GALNTL6: variants seen among roughly 807,000 people sequenced by gnomAD.
GALNTL6 encodes polypeptide N-acetylgalactosaminyltransferase-like 6.
In GALNTL6, 46 loss-of-function variants were observed where a neutral mutation model predicts 73.7. That is an observed-to-expected ratio of 0.62 (90% CI 0.49 to 0.80). The LOEUF (loss-of-function observed/expected upper bound fraction) is 0.80. Among genes scored for constraint, GALNTL6 ranks in the 30% least tolerant of loss-of-function variants. The pLI is 0.00. For synonymous variants in GALNTL6, 259 were observed against 263.7 expected (o/e 0.98, Z 0.17); for missense variants, 604 against 755.0 (o/e 0.80, Z 2.34).
intron 2 of GALNTL6, among the ~76,000 whole-genome samples, chr4:171,920,356 T>G (rs1454183007): frequency 1.3e-5 from 2 of 151,698 alleles, no homozygotes; most frequent in African/African-American, 2.4e-5. Context: ...GTTGTGCACA[T>G]GTACCCTAAA....
At chr4:171,868,358 G>C (rs1476815715) in intron 2 of GALNTL6, among the ~76,000 whole-genome samples, 2 of 145,234 alleles carry the variant, frequency 1.4e-5, no homozygotes, top group Non-Finnish European at 3.0e-5. Flanking sequence ...CTACGATTTT[G>C]ATTCGCGTCT....
At chr4:172,758,786 A>G (rs1479444541) in intron 5 of GALNTL6, among the ~76,000 whole-genome samples, 2 of 152,170 alleles carry the variant, frequency 1.3e-5, no homozygotes, top group East Asian at 3.8e-4. Context: ...CATGATGTAA[A>G]CACTACCCAT....
intron 5 of GALNTL6, among the ~76,000 whole-genome samples, chr4:172,416,188 A>C (rs1730825327): frequency 6.6e-6 from 1 of 152,188 alleles, no homozygotes; most frequent in African/African-American, 2.4e-5. Flanking sequence ...CAGAAAGCAC[A>C]ACATTAGACG....
intron 4 of GALNTL6, among the ~76,000 whole-genome samples, chr4:172,326,551 T>A (rs1175690980): frequency 6.6e-6 from 1 of 152,016 alleles, no homozygotes; most frequent in Non-Finnish European, 1.5e-5. Flanking sequence ...GCATGACATA[T>A]CTTCTGTACA....
intron 4 of GALNTL6, among the ~76,000 whole-genome samples, chr4:172,343,531 C>G (rs369253849): frequency 6.6e-6 from 1 of 151,782 alleles, no homozygotes; most frequent in South Asian, 2.1e-4. Context: ...GTTGAAAAAA[C>G]CACTTATTTT....
intron 3 of GALNTL6, among the ~76,000 whole-genome samples, chr4:172,274,345 T>C (rs1738757862): frequency 6.6e-6 from 1 of 152,164 alleles, no homozygotes. Flanking sequence ...TTACAACAAG[T>C]TTCTAAGGTA....
intron 5 of GALNTL6, among the ~76,000 whole-genome samples, chr4:172,784,264 A>C (rs1357603248): frequency 6.6e-6 from 1 of 152,050 alleles, no homozygotes; most frequent in Non-Finnish European, 1.5e-5. Context: ...TGAATCTTAC[A>C]TTTTCCCTTA....
At chr4:172,947,323 T>G (rs1749215217) in intron 9 of GALNTL6, among the ~76,000 whole-genome samples, 1 of 151,864 alleles carries the variant, frequency 6.6e-6, no homozygotes, top group Non-Finnish European at 1.5e-5. Flanking sequence ...GAGAGAGGGA[T>G]CACAAACAGA....
chr4:172,649,547 CT>C (rs1362876007), intron 5 of GALNTL6, among the ~76,000 whole-genome samples: 1 of 151,974 alleles, frequency 6.6e-6, no homozygotes, highest in East Asian at 1.9e-4. Flanking sequence ...CACAAAGTGG[CT>C]TTTTTTAGTG....
At position 171,867,354 on chromosome 4, in the gene GALNTL6, C is replaced by CA. The variant is rs953786122; in HGVS notation, c.138+52643dup. ...TATTAAAATAGTCCAGAAATTTCTG[C>CA]AAAAAAAGAATTAGAGCACACTTTC... is the stretch of plus-strand genomic sequence containing the variant. On this transcript the variant is annotated intron_variant, in intron 2 of 12. Transcript: ENST00000506823. Among the ~76,000 whole-genome samples, 31 of 152,108 alleles carry CA rather than the reference C, an allele frequency of 2.0e-4. 1 individual carries two copies. Among genetic ancestry groups the CA allele is most frequent in the Non-Finnish European group, 1.8e-4 (12 of 67,978 alleles).
chr4:172,110,180 G>A (rs897124515), intron 2 of GALNTL6, among the ~76,000 whole-genome samples: 21 of 151,994 alleles, frequency 1.4e-4, no homozygotes, highest in African/African-American at 5.1e-4. Flanking sequence ...AACCTTTTTT[G>A]AGCGATGTTA....
chr4:171,945,323 T>C (rs886285221), intron 2 of GALNTL6, among the ~76,000 whole-genome samples: 1 of 152,128 alleles, frequency 6.6e-6, no homozygotes, highest in African/African-American at 2.4e-5. Flanking sequence ...CATTAATAGC[T>C]ACTTGTGGGG....
At chr4:173,001,323 G>A (rs772999996) in intron 10 of GALNTL6, among the ~76,000 whole-genome samples, 11 of 151,948 alleles carry the variant, frequency 7.2e-5, no homozygotes, top group Admixed American at 3.3e-4. Flanking sequence ...ATATATCTAC[G>A]TGCAAAAAAA....
At chr4:172,018,811 C>T (rs1037172061) in intron 2 of GALNTL6, among the ~76,000 whole-genome samples, 19 of 152,098 alleles carry the variant, frequency 1.2e-4, no homozygotes, top group African/African-American at 4.6e-4. Context: ...CACCCTGTGA[C>T]CCCTACTTAA....
chr4:172,268,307 T>A (rs1204484885), intron 3 of GALNTL6, among the ~76,000 whole-genome samples: 1 of 152,118 alleles, frequency 6.6e-6, no homozygotes, highest in Non-Finnish European at 1.5e-5. Flanking sequence ...GCTCTTGGGA[T>A]CACCACATGT....
chr4:171,880,087 AC>A (rs1736396532), intron 2 of GALNTL6, among the ~76,000 whole-genome samples: 1 of 152,182 alleles, frequency 6.6e-6, no homozygotes, highest in African/African-American at 2.4e-5. Context: ...TGGATGCCAT[AC>A]ATCTAAGGTA....
intron 5 of GALNTL6, among the ~76,000 whole-genome samples, chr4:172,722,318 C>A (rs901019841): frequency 2.6e-5 from 4 of 152,180 alleles, no homozygotes; most frequent in African/African-American, 4.8e-5. Flanking sequence ...ATAAATATGA[C>A]ATGTACATAT....
intron 2 of GALNTL6, among the ~76,000 whole-genome samples, chr4:172,088,848 C>A (rs1004318123): frequency 6.6e-6 from 1 of 152,118 alleles, no homozygotes; most frequent in Non-Finnish European, 1.5e-5. Context: ...AGAGACCTTG[C>A]AACTATTTCT....
chr4:172,093,880 A>G (rs1275519140), intron 2 of GALNTL6, among the ~76,000 whole-genome samples: 2 of 151,798 alleles, frequency 1.3e-5, no homozygotes, highest in Non-Finnish European at 2.9e-5. Context: ...CAAGGTCAGG[A>G]CTCCCACTGA....
Sources: gnomAD v4.1 joint callset for allele counts (sites outside exome capture counted in the v4.1 genomes callset) on GRCh38, gnomAD v4.1.1 for gene constraint, MANE v1.5 for transcripts, NCBI Gene and HGNC (gene_info 2026-07-23, HGNC 2026-07-21) for gene names.